Variants in DHRSX observed in about 807,000 individuals in gnomAD.
DHRSX encodes the protein polyprenol dehydrogenase.
A neutral mutation model predicts 34.0 loss-of-function variants in DHRSX; 31 were observed. The ratio of observed to expected loss-of-function variants is 0.91; its 90% CI spans 0.69 to 1.23. The LOEUF is 1.23. DHRSX is among the 50% of genes most tolerant of loss of function. The pLI is 0.00. For missense variants in DHRSX, 414 were observed against 428.1 expected (o/e 0.97, Z 0.29); for synonymous variants, 201 against 183.8 (o/e 1.09, Z -0.76).
intron 1 of DHRSX, chrX:2,488,691 A>T (rs1243094247): frequency 1.2e-6 from 2 of 1,613,592 alleles, no homozygotes; most frequent in African/African-American, 2.7e-5. Flanking sequence ...CCATCCCCCA[A>T]GGAGAACACC....
intron 1 of DHRSX, among the ~76,000 whole-genome samples, chrX:2,429,235 T>A (rs2043887260): frequency 1.3e-5 from 2 of 152,210 alleles, no homozygotes; most frequent in Non-Finnish European, 2.9e-5. Flanking sequence ...TAAGTTTATT[T>A]TAAAAATAGG....
intron 2 of DHRSX, among the ~76,000 whole-genome samples, chrX:2,412,785 A>G (rs2043648225): frequency 6.6e-6 from 1 of 152,218 alleles, no homozygotes; most frequent in Non-Finnish European, 1.5e-5. Context: ...CCTGTGATAC[A>G]ACATGGATCA....
chrX:2,231,395 C>T (rs2015873150), intron 6 of DHRSX, among the ~76,000 whole-genome samples: 1 of 152,064 alleles, frequency 6.6e-6, no homozygotes, highest in Admixed American at 6.6e-5. Flanking sequence ...CTCTCTCTCA[C>T]ACCCTTCTCC....
chrX:2,320,697 C>CTTTTGACG (rs2042300500), intron 3 of DHRSX, among the ~76,000 whole-genome samples: 1 of 150,420 alleles, frequency 6.6e-6, no homozygotes, highest in Non-Finnish European at 1.5e-5. Context: ...CTTACTCTGA[C>CTTTTGACG]TTTTGACGTT....
intron 5 of DHRSX, among the ~76,000 whole-genome samples, chrX:2,259,224 G>A (rs2041321257): frequency 1.3e-5 from 2 of 151,260 alleles, no homozygotes; most frequent in South Asian, 4.2e-4. Context: ...AGTGAGCCGA[G>A]ATCGCACCAC....
intron 3 of DHRSX, among the ~76,000 whole-genome samples, chrX:2,397,383 C>G (rs1279019595): frequency 6.6e-6 from 1 of 152,200 alleles, no homozygotes; most frequent in Non-Finnish European, 1.5e-5. Flanking sequence ...ATCTTCTTGC[C>G]TCAGCCTCCC....
At chrX:2,423,199 G>C (rs1430329147) in intron 2 of DHRSX, among the ~76,000 whole-genome samples, 1 of 151,320 alleles carries the variant, frequency 6.6e-6, no homozygotes, top group Non-Finnish European at 1.5e-5. Context: ...GATCACGTGA[G>C]GTCAGGAGTT....
At chrX:2,322,137 C>T (rs749521907) in intron 3 of DHRSX, among the ~76,000 whole-genome samples, 2 of 148,992 alleles carry the variant, frequency 1.3e-5, no homozygotes, top group Admixed American at 6.7e-5. Flanking sequence ...CTCTTCCCCC[C>T]CAAGACCCCA....
chrX:2,453,322 C>T (rs1299826060), intron 1 of DHRSX, among the ~76,000 whole-genome samples: 4 of 151,598 alleles, frequency 2.6e-5, no homozygotes, highest in Non-Finnish European at 5.9e-5. Flanking sequence ...TCACTTGAGG[C>T]CAGGAGTTTG....
chrX:2,371,213 T>TCCCGTTACCGTAGTCCCTC (rs2043055274), intron 3 of DHRSX, among the ~76,000 whole-genome samples: 3 of 136,456 alleles, frequency 2.2e-5, no homozygotes, highest in Non-Finnish European at 3.3e-5. Context: ...CAGTCCCTTC[T>TCCCGTTACCGTAGTCCCTC]CCCGTTACCG....
rs185788340 is a variant in DHRSX at position 2,359,432 on chromosome X, C to T, written c.286+49313G>A. Among the ~76,000 whole-genome samples the T allele has an allele frequency of 2.0e-5, 3 of 152,272 alleles. No individual in the cohort carries two copies. In the East Asian group the frequency reaches 5.8e-4, roughly 29 times the overall value. On this transcript the variant is annotated intron_variant, in intron 3 of 6. Transcript: ENST00000334651. ...GTGGCTCACGCCTGTAATTCCAGCA[C>T]TTTGGGAGGCCAAGGCGGGTGGATC...
At chrX:2,316,997 G>A (rs183844085) in intron 3 of DHRSX, among the ~76,000 whole-genome samples, 11 of 152,200 alleles carry the variant, frequency 7.2e-5, no homozygotes, top group Admixed American at 2.6e-4. Context: ...TCCCTCTGTC[G>A]CCCAGGCTGG....
intron 5 of DHRSX, among the ~76,000 whole-genome samples, chrX:2,255,895 C>T (rs73628257): frequency 0.12 from 17,865 of 151,914 alleles, 3,371 homozygotes; most frequent in African/African-American, 0.39. Context: ...GCCTCGATGC[C>T]TGGGTGACAA....
intron 3 of DHRSX, among the ~76,000 whole-genome samples, chrX:2,384,850 T>G (rs747861965): frequency 6.6e-6 from 1 of 151,240 alleles, no homozygotes; most frequent in Admixed American, 6.6e-5. Context: ...GCATGGCACA[T>G]GTATACGTAT....
At chrX:2,267,089 C>T in intron 4 of DHRSX, 142 bp from the exon 5 acceptor site, 1 of 761,280 alleles carries the variant, frequency 1.3e-6, no homozygotes. Context: ...CCTCCTGGGC[C>T]TCTGTTTCCT....
At chrX:2,231,732 CTCT>C (rs1412902939) in intron 6 of DHRSX, among the ~76,000 whole-genome samples, 7 of 149,884 alleles carry the variant, frequency 4.7e-5, no homozygotes, top group African/African-American at 1.5e-4. Context: ...CCTCCATCTT[CTCT>C]TCTTCCTCCT....
chrX:2,496,537 A>C (rs1192677065), intron 1 of DHRSX, among the ~76,000 whole-genome samples: 2 of 152,154 alleles, frequency 1.3e-5, no homozygotes, highest in Non-Finnish European at 2.9e-5. Context: ...TGCAGTGTAT[A>C]CTGCTTGGGT....
chrX:2,304,419 T>A lies in DHRSX; in HGVS notation c.287-12816A>T, dbSNP rs375100422. Among the ~76,000 whole-genome samples the A allele has an allele frequency of 9.1e-4, 139 of 152,178 alleles. 1 individual carries two copies. The highest frequency in any genetic ancestry group is 3.2e-3 in the African/African-American group (133 of 41,532). On this transcript the variant is annotated intron_variant, in intron 3 of 6. Transcript: ENST00000334651. The stretch of plus-strand genomic sequence containing the variant: ...GATATGGTTTGGATCTGTGTCCTCA[T>A]TCAAATCTCAAGTTGAATTGGAATC...
intron 3 of DHRSX, among the ~76,000 whole-genome samples, chrX:2,377,792 G>C (rs1033773806): frequency 1.3e-5 from 2 of 150,578 alleles, no homozygotes; most frequent in African/African-American, 2.5e-5. Flanking sequence ...AGGCTGGAGT[G>C]CAGTGGCATG....
Sources: allele counts gnomAD v4.1 joint callset (sites outside exome capture counted in the v4.1 genomes callset), GRCh38; gene constraint gnomAD v4.1.1; transcripts MANE v1.5; gene names NCBI Gene and HGNC (gene_info 2026-07-23, HGNC 2026-07-21).